The following ESR1 variants were observed in gnomAD, a reference collection of about 807,000 sequenced individuals.
The protein encoded by ESR1 is estrogen receptor.
A neutral mutation model predicts 52.7 loss-of-function variants in ESR1; 12 were observed. The observed-to-expected ratio is 0.23, with a 90% confidence interval of 0.15 to 0.37. ESR1 has a LOEUF of 0.37. Ranked by LOEUF, ESR1 falls within the 10% of genes least tolerant of loss-of-function variation. The pLI is 1.00. For missense variants in ESR1, 584 were observed against 779.7 expected (o/e 0.75, Z 2.99); for synonymous variants, 305 against 316.8 (o/e 0.96, Z 0.39).
intron 1 of ESR1, among the ~76,000 whole-genome samples, chr6:151,670,000 G>A (rs1384671031): frequency 1.3e-5 from 2 of 152,104 alleles, no homozygotes; most frequent in Non-Finnish European, 2.9e-5. Flanking sequence ...AGTATTGGAG[G>A]GAGGAAAAAT....
chr6:151,984,044 G>T (rs185382057), intron 4 of ESR1: 1 of 152,056 alleles, frequency 6.6e-6, no homozygotes, highest in Non-Finnish European at 1.5e-5. Flanking sequence ...AAGATGAGGC[G>T]CACAGACAGA....
chr6:151,733,986 T>C (rs1259720805), intron 2 of ESR1, among the ~76,000 whole-genome samples: 1 of 152,216 alleles, frequency 6.6e-6, no homozygotes, highest in Non-Finnish European at 1.5e-5. Context: ...ATAATTGGGT[T>C]GTCCCTCCTA....
At chr6:152,017,776 T>C (rs899921283) in intron 5 of ESR1, among the ~76,000 whole-genome samples, 7 of 152,008 alleles carry the variant, frequency 4.6e-5, no homozygotes, top group Admixed American at 6.6e-5. Flanking sequence ...TGTTAGTAAA[T>C]GGTGTTAGAA....
intron 1 of ESR1, among the ~76,000 whole-genome samples, chr6:151,674,088 T>C (rs1450723869): frequency 1.3e-5 from 2 of 152,190 alleles, no homozygotes; most frequent in Admixed American, 6.5e-5. Context: ...TAGGTATACA[T>C]GTGCCATGGT....
chr6:151,762,046 CA>C (rs1178243412), intron 2 of ESR1, among the ~76,000 whole-genome samples: 5 of 152,184 alleles, frequency 3.3e-5, no homozygotes, highest in Non-Finnish European at 5.9e-5. Flanking sequence ...TTAAAAGTCC[CA>C]GTGAAATCAC....
chr6:151,865,219 G>T (rs1260953832), intron 2 of ESR1, among the ~76,000 whole-genome samples: 1 of 151,952 alleles, frequency 6.6e-6, no homozygotes, highest in African/African-American at 2.4e-5. Flanking sequence ...ATTACCTTAT[G>T]CTCTACACAT....
intron 3 of ESR1, among the ~76,000 whole-genome samples, chr6:151,915,926 T>C (rs2030025993): frequency 6.6e-6 from 1 of 152,118 alleles, no homozygotes; most frequent in South Asian, 2.1e-4. Context: ...GAAGGACAAA[T>C]ATTCTGGAGC....
At chr6:152,127,497 G>C (rs548594282) in exon 7 of ESR1, 1 of 152,200 alleles carries the variant, frequency 6.6e-6, no homozygotes, top group African/African-American at 2.4e-5. Flanking sequence ...ATACCCTTAG[G>C]GGTTGGCTGG....
intron 4 of ESR1, among the ~76,000 whole-genome samples, chr6:151,972,919 C>T (rs2039059191): frequency 6.6e-6 from 1 of 152,134 alleles, no homozygotes; most frequent in African/African-American, 2.4e-5. Flanking sequence ...AATTCGAGGG[C>T]AGGAAGCATC....
At chr6:152,127,887 G>A (rs1407427118) in exon 7 of ESR1, 1 of 152,158 alleles carries the variant, frequency 6.6e-6, no homozygotes, top group East Asian at 1.9e-4. Flanking sequence ...ATTTTTAAAT[G>A]AGGGCTTTTT....
intron 5 of ESR1, among the ~76,000 whole-genome samples, chr6:152,048,524 G>A (rs1309737213): frequency 2.6e-5 from 4 of 151,870 alleles, no homozygotes; most frequent in Non-Finnish European, 5.9e-5. Context: ...TTTTAGCATT[G>A]TGAGTGTATA....
chr6:151,781,126 A>T (rs927884727), intron 2 of ESR1, among the ~76,000 whole-genome samples: 1 of 152,246 alleles, frequency 6.6e-6, no homozygotes, highest in Non-Finnish European at 1.5e-5. Context: ...AATTTTAGAG[A>T]TGAGGAAACT....
intron 3 of ESR1, among the ~76,000 whole-genome samples, chr6:151,896,587 T>G (rs2128386455): frequency 6.6e-6 from 1 of 152,344 alleles, no homozygotes; most frequent in East Asian, 1.9e-4. Flanking sequence ...TTTTCTTGGT[T>G]AATCTTGCTA....
intron 6 of ESR1, among the ~76,000 whole-genome samples, chr6:152,078,292 G>A (rs917945291): frequency 5.9e-5 from 9 of 152,184 alleles, no homozygotes; most frequent in African/African-American, 2.2e-4. Flanking sequence ...TATACTTGCT[G>A]GAGCAGCAGG....
At chr6:151,800,628 C>T (rs575310778), upstream of ESR1, among the ~76,000 whole-genome samples, 3 of 152,314 alleles carry the variant, frequency 2.0e-5, no homozygotes, top group African/African-American at 7.2e-5. Context: ...CCCAACCCCA[C>T]ACTGAGAAAA....
chr6:151,742,797 G>T (rs1783194736), intron 2 of ESR1, among the ~76,000 whole-genome samples: 1 of 152,122 alleles, frequency 6.6e-6, no homozygotes, highest in Non-Finnish European at 1.5e-5. Flanking sequence ...ATAGGGTCGG[G>T]GATATAGCAG....
chr6:151,777,758 G>A (rs767830477), intron 2 of ESR1, among the ~76,000 whole-genome samples: 11 of 152,020 alleles, frequency 7.2e-5, no homozygotes, highest in African/African-American at 1.4e-4. Context: ...TCAGGAGTTC[G>A]AGACCAGCGT....
intron 2 of ESR1, among the ~76,000 whole-genome samples, chr6:151,848,133 G>C (rs1050797421): frequency 9.9e-6 from 1 of 100,822 alleles, no homozygotes; most frequent in Non-Finnish European, 2.0e-5. Flanking sequence ...ATACACCATG[G>C]AATACTATGC....
chr6:151,970,256 A>C (rs760341673), intron 4 of ESR1, among the ~76,000 whole-genome samples: 35 of 152,126 alleles, frequency 2.3e-4, no homozygotes, highest in Non-Finnish European at 4.7e-4. Flanking sequence ...GCAGTTAATG[A>C]AGGCTTGCTT....
Sources: allele counts gnomAD v4.1 joint callset (sites outside exome capture counted in the v4.1 genomes callset), GRCh38; gene constraint gnomAD v4.1.1; transcripts MANE v1.5; gene names NCBI Gene and HGNC (gene_info 2026-07-23, HGNC 2026-07-21).